The following WDR1 variants were observed in gnomAD, a reference collection of about 807,000 sequenced individuals.
The protein encoded by WDR1 is WD repeat-containing protein 1.
In WDR1, 21 loss-of-function variants were observed where a neutral mutation model predicts 71.9. That is an observed-to-expected ratio of 0.29 (90% CI 0.21 to 0.42). The LOEUF (loss-of-function observed/expected upper bound fraction) is 0.42. Among genes scored for constraint, WDR1 ranks in the 10% least tolerant of loss-of-function variants. The pLI, the probability that WDR1 is intolerant of heterozygous loss-of-function variation, is 1.00. For missense variants in WDR1, 696 were observed against 824.5 expected (o/e 0.84, Z 1.91); for synonymous variants, 424 against 347.4 (o/e 1.22, Z -2.45).
chr4:10,110,543 C>T (rs952052080), intron 2 of WDR1, among the ~76,000 whole-genome samples: 1 of 152,172 alleles, frequency 6.6e-6, no homozygotes, highest in African/African-American at 2.4e-5. Context: ...TTTCTCCCCA[C>T]CTCTGCCGTG....
At chr4:10,075,567 T>C in intron 14 of WDR1, 83 bp from the exon 15 acceptor site, 1 of 1,287,842 alleles carries the variant, frequency 7.8e-7, no homozygotes, top group South Asian at 1.3e-5. Flanking sequence ...TGGAACAACC[T>C]GTGCCTAAAT....
At chr4:10,089,112 C>A (rs373460866) in intron 5 of WDR1, among the ~76,000 whole-genome samples, 1 of 152,288 alleles carries the variant, frequency 6.6e-6, no homozygotes, top group East Asian at 1.9e-4. Context: ...ACCAGGAGGC[C>A]TCTTCCTGGA....
At chr4:10,105,613 C>T (rs1712968434) in intron 2 of WDR1, among the ~76,000 whole-genome samples, 2 of 152,164 alleles carry the variant, frequency 1.3e-5, no homozygotes. Context: ...AAAAGACTGA[C>T]ATCACCAAGT....
chr4:10,092,815 G>T (rs573814087), intron 5 of WDR1: 52 of 346,780 alleles, frequency 1.5e-4, no homozygotes, highest in Non-Finnish European at 2.8e-4. Flanking sequence ...AGGGGCAGCA[G>T]CTTCCTGAGG....
intron 9 of WDR1, 106 bp from the exon 10 acceptor site, chr4:10,083,284 C>G: frequency 7.3e-7 from 1 of 1,373,884 alleles, no homozygotes; most frequent in Non-Finnish European, 9.8e-7. Context: ...AGAATCTCGC[C>G]GCAAACGGAC....
chr4:10,080,111 T>C (rs1764954804), intron 11 of WDR1, among the ~76,000 whole-genome samples: 1 of 152,132 alleles, frequency 6.6e-6, no homozygotes, highest in African/African-American at 2.4e-5. Context: ...CTGGAGCCTG[T>C]CCCCTGCACA....
intron 11 of WDR1, among the ~76,000 whole-genome samples, chr4:10,080,598 C>T (rs921113983): frequency 2.0e-5 from 3 of 152,246 alleles, no homozygotes; most frequent in African/African-American, 4.8e-5. Context: ...TAGCAGGGCT[C>T]GCCACTCGTG....
chr4:10,111,642 C>T (rs1713371033), intron 2 of WDR1, among the ~76,000 whole-genome samples: 2 of 152,214 alleles, frequency 1.3e-5, no homozygotes, highest in Admixed American at 1.3e-4. Flanking sequence ...AGGTAGTCAG[C>T]AGGCGTCCAA....
intron 8 of WDR1, 119 bp downstream of exon 8, chr4:10,087,588 G>T: frequency 1.0e-6 from 1 of 962,020 alleles, no homozygotes; most frequent in Non-Finnish European, 1.5e-6. Flanking sequence ...GGCCAAGGAG[G>T]CCTGAGGACA....
At chr4:10,079,668 T>C (rs1182949211) in intron 11 of WDR1, among the ~76,000 whole-genome samples, 1 of 152,246 alleles carries the variant, frequency 6.6e-6, no homozygotes, top group Non-Finnish European at 1.5e-5. Context: ...CTCTGAGTTT[T>C]GCCTTTATCC....
At chr4:10,103,701 G>A (rs1712842772) in intron 3 of WDR1, among the ~76,000 whole-genome samples, 195 bp downstream of exon 3, 1 of 152,176 alleles carries the variant, frequency 6.6e-6, no homozygotes. Context: ...GGACAAGGCT[G>A]GCTTACACAT....
chr4:10,078,514 GC>G, intron 12 of WDR1: 1 of 200,716 alleles, frequency 5.0e-6, no homozygotes. Flanking sequence ...GCCGAGCCCA[GC>G]CCCAGGGGAT....
intron 8 of WDR1, 150 bp downstream of exon 8, chr4:10,087,557 G>T: frequency 1.4e-6 from 1 of 738,120 alleles, no homozygotes; most frequent in Non-Finnish European, 2.2e-6. Context: ...CAGCATCCCA[G>T]CCTTCCACCA....
intron 3 of WDR1, among the ~76,000 whole-genome samples, chr4:10,103,648 T>A (rs1240072284): frequency 6.6e-6 from 1 of 152,182 alleles, no homozygotes; most frequent in African/African-American, 2.4e-5. Flanking sequence ...TGGGCTGCAT[T>A]CGAAGCCATC....
chr4:10,078,924 G>C lies in WDR1; in HGVS notation c.1362C>G (p.His454Gln), dbSNP rs781763569. The part of the protein sequence containing the change: ...PGYEPEVVAV[H>Q]PGGDTVAIGG... ...CAATTGCCACCGTGTCCCCGCCGGG[G>C]TGCACTGCCACAACTTCGGGCTCGT... The change falls in exon 12 of 15, where the codon CAC becomes CAG. Residue 454 changes from histidine to glutamine, a missense_variant. By Grantham distance (24) the His-to-Gln change is conservative. Transcript: ENST00000499869. 6.2e-7 allele frequency: 1 copy of C among 1,612,834 alleles called. No individual in the cohort carries two copies.
chr4:10,085,173 C>G (rs1216886011), intron 8 of WDR1, among the ~76,000 whole-genome samples: 1 of 152,214 alleles, frequency 6.6e-6, no homozygotes, highest in Non-Finnish European at 1.5e-5. Flanking sequence ...GAGCCTGAGA[C>G]AAAAATAACA....
chr4:10,116,152 C>G lies in WDR1; in HGVS notation c.99G>C (p.Leu33=), dbSNP rs1156806354. The G allele has an allele frequency of 6.2e-7, 1 of 1,613,758 alleles. No homozygotes were observed. Among genetic ancestry groups the G allele is most frequent in the East Asian group, 2.2e-5 (1 of 44,874 alleles). ...GGATGACGCACTTTCCATTGGTGTA[C>G]AGAAAATTGTTGCCCTTAGGGTCGC... is the stretch of plus-strand genomic sequence containing the variant. The part of the protein sequence containing the change: ...IGGDPKGNNF[L]YTNGKCVILR... Residue 33 remains leucine (L), a synonymous_variant, in exon 2 of 15, where the codon CTG becomes CTC. Coordinates refer to ENST00000499869, the MANE Select transcript of WDR1 (RefSeq NM_017491.5).
At chr4:10,108,057 C>A (rs1162484611) in intron 2 of WDR1, among the ~76,000 whole-genome samples, 1 of 152,120 alleles carries the variant, frequency 6.6e-6, no homozygotes. Flanking sequence ...TAAACATACT[C>A]CCCCCCGGCA....
chr4:10,097,492 C>G (rs1358342769), intron 5 of WDR1, among the ~76,000 whole-genome samples: 1 of 152,258 alleles, frequency 6.6e-6, no homozygotes, highest in Non-Finnish European at 1.5e-5. Context: ...CAGGGCCCTT[C>G]CTTGTGGGAA....
Sources: gnomAD v4.1 joint callset for allele counts (sites outside exome capture counted in the v4.1 genomes callset) on GRCh38, gnomAD v4.1.1 for gene constraint, MANE v1.5 for transcripts, NCBI Gene and HGNC (gene_info 2026-07-23, HGNC 2026-07-21) for gene names.